Variants in CCSER1 observed in about 807,000 individuals in gnomAD.
CCSER1 encodes serine-rich coiled-coil domain-containing protein 1.
CCSER1 carries 41 observed loss-of-function variants against 82.0 expected under a neutral mutation model. That is an observed-to-expected ratio of 0.50 (90% CI 0.39 to 0.65). The LOEUF is 0.65. Among genes scored for constraint, CCSER1 ranks in the 30% least tolerant of loss-of-function variants. CCSER1 has a pLI of 0.00. For missense variants in CCSER1, 1,119 were observed against 1,064.2 expected (o/e 1.05, Z -0.72); for synonymous variants, 414 against 383.9 (o/e 1.08, Z -0.92).
chr4:91,573,106 A>G (rs1763271225), intron 10 of CCSER1, among the ~76,000 whole-genome samples: 1 of 152,130 alleles, frequency 6.6e-6, no homozygotes, highest in South Asian at 2.1e-4. Flanking sequence ...TGGCAGTCTG[A>G]CCACATTGTG....
intron 10 of CCSER1, among the ~76,000 whole-genome samples, chr4:91,473,896 T>A (rs2149446569): frequency 6.6e-6 from 1 of 152,256 alleles, no homozygotes; most frequent in East Asian, 1.9e-4. Flanking sequence ...GTAGTGTCTG[T>A]TTCTTTGTTA....
chr4:90,629,502 A>G (rs1213756132), intron 6 of CCSER1, among the ~76,000 whole-genome samples: 2 of 152,190 alleles, frequency 1.3e-5, no homozygotes, highest in Non-Finnish European at 2.9e-5. Flanking sequence ...CATGAGACTT[A>G]TTCACTACCA....
At chr4:91,143,266 T>A (rs112837019) in intron 10 of CCSER1, among the ~76,000 whole-genome samples, 5,584 of 150,210 alleles carry the variant, frequency 0.037, 322 homozygotes, top group African/African-American at 0.13. Flanking sequence ...TTTTTTTTTT[T>A]ATTTGGCTCT....
chr4:91,072,637 GT>G (rs1721553040), intron 9 of CCSER1, among the ~76,000 whole-genome samples: 2 of 151,994 alleles, frequency 1.3e-5, no homozygotes, highest in Admixed American at 6.6e-5. Context: ...ACTTTTGGAG[GT>G]AGTATGTGTA....
At chr4:90,862,443 G>A (rs1765221431) in intron 8 of CCSER1, among the ~76,000 whole-genome samples, 1 of 151,858 alleles carries the variant, frequency 6.6e-6, no homozygotes, top group Admixed American at 6.6e-5. Flanking sequence ...TTTTAGTAAT[G>A]ACAACTGACT....
At position 91,111,031 on chromosome 4, in the gene CCSER1, G is replaced by A. The variant is rs1383275094; in HGVS notation, c.2217+25037G>A. 2.0e-5 allele frequency among the ~76,000 whole-genome samples: 3 copies of A among 149,842 alleles called. No individual in the cohort carries two copies. In the Admixed American group the frequency reaches 2.0e-4, roughly 10 times the overall value. On this transcript the variant is annotated intron_variant, in intron 10 of 10. Coordinates refer to ENST00000509176, the MANE Select transcript of CCSER1 (RefSeq NM_001145065.2). The stretch of plus-strand genomic sequence containing the variant: ...GTTATTAAAATTAAAATTTGATATA[G>A]TGAGAAAAATAAGTATATAGCCTGA...
At chr4:91,384,213 T>G (rs1482972449) in intron 10 of CCSER1, among the ~76,000 whole-genome samples, 1 of 152,058 alleles carries the variant, frequency 6.6e-6, no homozygotes, top group African/African-American at 2.4e-5. Context: ...TACTGGAAGA[T>G]AGAAAACCTA....
chr4:90,218,055 C>T (rs1741434370), intron 1 of CCSER1, among the ~76,000 whole-genome samples: 1 of 152,130 alleles, frequency 6.6e-6, no homozygotes, highest in Admixed American at 6.5e-5. Flanking sequence ...GCTGCCTCAG[C>T]CTCCCAAAGT....
chr4:90,458,260 C>T (rs1762433446), intron 4 of CCSER1, among the ~76,000 whole-genome samples: 1 of 152,194 alleles, frequency 6.6e-6, no homozygotes, highest in South Asian at 2.1e-4. Context: ...GAGTGCACCG[C>T]CCCAGCTACA....
chr4:90,557,067 C>T (rs1032965704), intron 5 of CCSER1, among the ~76,000 whole-genome samples: 2 of 151,678 alleles, frequency 1.3e-5, no homozygotes, highest in Non-Finnish European at 2.9e-5. Context: ...TCTTTCTTCT[C>T]TCACTATATT....
chr4:91,456,027 A>C (rs1166742921), intron 10 of CCSER1, among the ~76,000 whole-genome samples: 1 of 152,180 alleles, frequency 6.6e-6, no homozygotes, highest in Admixed American at 6.6e-5. Flanking sequence ...TGTCTTAGTC[A>C]GTTTGGGCTG....
intron 5 of CCSER1, among the ~76,000 whole-genome samples, chr4:90,522,001 G>A (rs541291224): frequency 3.6e-4 from 55 of 152,158 alleles, no homozygotes; most frequent in African/African-American, 7.9e-4. Flanking sequence ...TGTAACAGAC[G>A]TCACATTTGT....
At chr4:90,866,669 C>T (rs746526701) in intron 8 of CCSER1, among the ~76,000 whole-genome samples, 5 of 151,998 alleles carry the variant, frequency 3.3e-5, no homozygotes, top group Non-Finnish European at 5.9e-5. Flanking sequence ...TCAGAGATTA[C>T]GTAGAATAAA....
At chr4:90,225,205 C>T (rs549838447) in intron 1 of CCSER1, among the ~76,000 whole-genome samples, 8 of 150,196 alleles carry the variant, frequency 5.3e-5, no homozygotes, top group African/African-American at 1.7e-4. Flanking sequence ...TTTGGGACCA[C>T]CGGTGCACAC....
intron 8 of CCSER1, among the ~76,000 whole-genome samples, chr4:90,900,949 C>T (rs1159860558): frequency 6.6e-6 from 1 of 151,740 alleles, no homozygotes; most frequent in Non-Finnish European, 1.5e-5. Context: ...AGTATTTGTT[C>T]TATAAATCTG....
chr4:91,133,737 C>T (rs572125908), intron 10 of CCSER1, among the ~76,000 whole-genome samples: 52 of 152,254 alleles, frequency 3.4e-4, no homozygotes, highest in African/African-American at 1.2e-3. Context: ...CAACAGGGCT[C>T]TTGGAATAAT....
intron 3 of CCSER1, among the ~76,000 whole-genome samples, chr4:90,336,320 A>G (rs1347132352): frequency 1.3e-5 from 2 of 152,214 alleles, no homozygotes; most frequent in Non-Finnish European, 2.9e-5. Flanking sequence ...TATCCTTAGG[A>G]TCACTGATAA....
chr4:90,176,929 C>A (rs1732805541), intron 1 of CCSER1, among the ~76,000 whole-genome samples: 1 of 152,012 alleles, frequency 6.6e-6, no homozygotes. Context: ...CACATTAGAA[C>A]AACCTGCTGT....
intron 7 of CCSER1, among the ~76,000 whole-genome samples, chr4:90,804,637 G>A (rs1757271086): frequency 6.6e-6 from 1 of 151,960 alleles, no homozygotes; most frequent in Non-Finnish European, 1.5e-5. Flanking sequence ...TAATATTATT[G>A]TTCAAAATAA....
Sources: gnomAD v4.1 joint callset for allele counts (sites outside exome capture counted in the v4.1 genomes callset) on GRCh38, gnomAD v4.1.1 for gene constraint, MANE v1.5 for transcripts, NCBI Gene and HGNC (gene_info 2026-07-23, HGNC 2026-07-21) for gene names.